NRG1: variants seen among roughly 807,000 people sequenced by gnomAD.
NRG1 encodes neuregulin 1, also known as pro-neuregulin-1, membrane-bound isoform.
A neutral mutation model predicts 63.8 loss-of-function variants in NRG1; 18 were observed. That is an observed-to-expected ratio of 0.28 (90% confidence interval 0.19 to 0.42). The LOEUF is 0.42. NRG1 is among the 10% of genes least tolerant of loss of function. The pLI, the probability that NRG1 is intolerant of heterozygous loss-of-function variation, is 1.00. For synonymous variants in NRG1, 302 were observed against 301.3 expected (o/e 1.00, Z -0.02); for missense variants, 762 against 814.7 (o/e 0.94, Z 0.79).
intron 1 of NRG1, among the ~76,000 whole-genome samples, chr8:31,825,857 A>G (rs1824500280): frequency 6.6e-6 from 1 of 152,206 alleles, no homozygotes; most frequent in Non-Finnish European, 1.5e-5. Flanking sequence ...TTTATTCAAC[A>G]AACATTTACT....
intron 1 of NRG1, among the ~76,000 whole-genome samples, chr8:32,371,847 C>T (rs1236985505): frequency 6.6e-6 from 1 of 152,106 alleles, no homozygotes. Flanking sequence ...TGCCCCCAGT[C>T]TTCCCATTTT....
chr8:31,828,612 G>A (rs1219690891), intron 1 of NRG1, among the ~76,000 whole-genome samples: 1 of 152,120 alleles, frequency 6.6e-6, no homozygotes, highest in African/African-American at 2.4e-5. Context: ...AAGCAAAACA[G>A]CAGGTCAGGG....
intron 1 of NRG1, among the ~76,000 whole-genome samples, chr8:32,412,115 C>T (rs1815051810): frequency 1.3e-5 from 2 of 152,094 alleles, no homozygotes; most frequent in Non-Finnish European, 2.9e-5. Context: ...AACAAAAAGG[C>T]TGAGTAAGAG....
intron 1 of NRG1, among the ~76,000 whole-genome samples, chr8:31,975,316 G>T (rs983532740): frequency 6.6e-6 from 1 of 152,108 alleles, no homozygotes; most frequent in Admixed American, 6.5e-5. Flanking sequence ...GGCTGAGACC[G>T]CTGGCTGCAC....
chr8:31,791,730 A>G (rs1215657106), intron 1 of NRG1, among the ~76,000 whole-genome samples: 1 of 152,110 alleles, frequency 6.6e-6, no homozygotes, highest in Non-Finnish European at 1.5e-5. Context: ...CTGTCTCACT[A>G]GGATCTCATG....
chr8:32,223,615 C>G (rs1177642369), intron 1 of NRG1, among the ~76,000 whole-genome samples: 1 of 152,162 alleles, frequency 6.6e-6, no homozygotes, highest in Admixed American at 6.6e-5. Flanking sequence ...ATACACACAT[C>G]TGATGCACTG....
intron 1 of NRG1, among the ~76,000 whole-genome samples, chr8:31,710,285 C>G (rs1811610050): frequency 6.6e-6 from 1 of 151,638 alleles, no homozygotes; most frequent in Non-Finnish European, 1.5e-5. Context: ...TAGAATTTGC[C>G]TATTTCTGAA....
chr8:32,209,164 A>G (rs1445516161), intron 1 of NRG1, among the ~76,000 whole-genome samples: 1 of 152,200 alleles, frequency 6.6e-6, no homozygotes, highest in Non-Finnish European at 1.5e-5. Flanking sequence ...AGTTATAGAT[A>G]TCTTAAGAAT....
At chr8:32,556,440 A>G (rs575714385) in intron 1 of NRG1, among the ~76,000 whole-genome samples, 1 of 152,352 alleles carries the variant, frequency 6.6e-6, no homozygotes, top group South Asian at 2.1e-4. Context: ...ACCATAAAAT[A>G]TGACTCATTT....
intron 5 of NRG1, chr8:32,648,443 G>C: frequency 6.4e-7 from 1 of 1,561,808 alleles, no homozygotes; most frequent in Non-Finnish European, 8.7e-7. Context: ...TGGGTTTGAG[G>C]TCCCCAAAGG....
At chr8:32,387,401 A>G (rs1487112152) in intron 1 of NRG1, among the ~76,000 whole-genome samples, 1 of 152,196 alleles carries the variant, frequency 6.6e-6, no homozygotes, top group Non-Finnish European at 1.5e-5. Flanking sequence ...AATAATGTCC[A>G]GCCCACAAAA....
chr8:31,970,689 G>C (rs1261710327), intron 1 of NRG1, among the ~76,000 whole-genome samples: 2 of 152,064 alleles, frequency 1.3e-5, no homozygotes, highest in South Asian at 2.1e-4. Flanking sequence ...CACATCTACT[G>C]TCCTGCTCTG....
intron 1 of NRG1, among the ~76,000 whole-genome samples, chr8:31,699,965 G>A (rs1237495710): frequency 3.3e-5 from 5 of 152,102 alleles, no homozygotes; most frequent in South Asian, 4.1e-4. Flanking sequence ...ATAAAAATAC[G>A]AAAACCTTTC....
intron 1 of NRG1, among the ~76,000 whole-genome samples, chr8:32,321,875 C>G (rs1346097822): frequency 6.6e-6 from 1 of 150,866 alleles, no homozygotes; most frequent in Non-Finnish European, 1.5e-5. Context: ...ATTATATAAG[C>G]TAGACCTCAC....
chr8:32,413,042 G>T (rs533574239), intron 1 of NRG1, among the ~76,000 whole-genome samples: 44 of 152,278 alleles, frequency 2.9e-4, no homozygotes, highest in African/African-American at 1.0e-3. Flanking sequence ...GATACCGCGT[G>T]CTCCATCTGT....
chr8:32,555,326 T>C (rs1341227065), intron 1 of NRG1, among the ~76,000 whole-genome samples: 1 of 152,210 alleles, frequency 6.6e-6, no homozygotes, highest in African/African-American at 2.4e-5. Context: ...CAACAGATCT[T>C]TACTAACACA....
intron 1 of NRG1, among the ~76,000 whole-genome samples, chr8:32,185,141 T>A (rs1841843571): frequency 6.6e-6 from 1 of 152,246 alleles, no homozygotes; most frequent in African/African-American, 2.4e-5. Flanking sequence ...TGCTCATGCA[T>A]GTGTGCATGC....
At chr8:32,769,848 G>A (rs1831667385), downstream of NRG1, among the ~76,000 whole-genome samples, 1 of 152,152 alleles carries the variant, frequency 6.6e-6, no homozygotes, top group Non-Finnish European at 1.5e-5. Context: ...TACTATAACT[G>A]TTCGTCTTCT....
At chr8:32,561,670 G>A (rs920602064) in intron 1 of NRG1, among the ~76,000 whole-genome samples, 16 of 152,282 alleles carry the variant, frequency 1.1e-4, no homozygotes, top group Admixed American at 9.8e-4. Context: ...TGAGTCACTC[G>A]CTTGCATCTG....
Sources: allele counts gnomAD v4.1 joint callset (sites outside exome capture counted in the v4.1 genomes callset), GRCh38; gene constraint gnomAD v4.1.1; transcripts MANE v1.5; gene names NCBI Gene and HGNC (gene_info 2026-07-23, HGNC 2026-07-21).